The following HTR1F variants were observed in gnomAD, a reference collection of about 807,000 sequenced individuals.
HTR1F encodes 5-hydroxytryptamine (serotonin) receptor 1F, G protein-coupled.
HTR1F carries 17 observed loss-of-function variants against 24.0 expected under a neutral mutation model. The ratio of observed to expected loss-of-function variants is 0.71; its 90% CI spans 0.48 to 1.06. The LOEUF is 1.06. Among genes scored for constraint, HTR1F ranks in the 50% least tolerant of loss-of-function variants. HTR1F has a pLI of 0.00. For synonymous variants in HTR1F, 186 were observed against 156.8 expected (o/e 1.19, Z -1.39); for missense variants, 391 against 427.8 (o/e 0.91, Z 0.76).
At chr3:87,821,541 A>T (rs929058294) in intron 1 of HTR1F, among the ~76,000 whole-genome samples, 66 of 152,264 alleles carry the variant, frequency 4.3e-4, no homozygotes, top group African/African-American at 1.4e-3. Flanking sequence ...ATATATTTCC[A>T]TCATCCCTCA....
rs181807057 is a variant in HTR1F at position 87,924,807 on chromosome 3, G to T, written c.-42-65901G>T. ...TGCTATTTCTAGAATTCTCTCTTTT[G>T]TCTTTTACTTGACAATTTGACTACA... On this transcript the variant is annotated intron_variant, in intron 2 of 2. Coordinates refer to ENST00000319595, the MANE Select transcript of HTR1F (RefSeq NM_001322209.2). Among the ~76,000 whole-genome samples the T allele has an allele frequency of 7.9e-5, 12 of 152,092 alleles. No homozygotes were observed. In the East Asian group the frequency reaches 2.3e-3, roughly 29 times the overall value.
At chr3:87,874,149 A>T (rs925391096) in intron 2 of HTR1F, among the ~76,000 whole-genome samples, 1 of 152,108 alleles carries the variant, frequency 6.6e-6, no homozygotes, top group African/African-American at 2.4e-5. Context: ...AAGAAAAAGA[A>T]AAAAAGGTGA....
chr3:87,805,491 T>A (rs1704059371), intron 1 of HTR1F, among the ~76,000 whole-genome samples: 1 of 152,106 alleles, frequency 6.6e-6, no homozygotes, highest in Non-Finnish European at 1.5e-5. Context: ...CATATCTTTT[T>A]TTTATTTTAA....
chr3:87,942,393 T>C (rs960087833), intron 2 of HTR1F, among the ~76,000 whole-genome samples: 1 of 152,020 alleles, frequency 6.6e-6, no homozygotes, highest in Non-Finnish European at 1.5e-5. Flanking sequence ...AGGAGACAGT[T>C]AACCTCCTGG....
chr3:87,794,899 C>T (rs1703878032), intron 1 of HTR1F, among the ~76,000 whole-genome samples: 1 of 151,168 alleles, frequency 6.6e-6, no homozygotes, highest in South Asian at 2.1e-4. Context: ...TAAAATTATA[C>T]ACATACTTTT....
chr3:87,989,625 CATAAGCCTAATG>C (rs1173160873), intron 2 of HTR1F, among the ~76,000 whole-genome samples: 1 of 152,052 alleles, frequency 6.6e-6, no homozygotes, highest in East Asian at 1.9e-4. Context: ...CTTTAGTCTC[CATAAGCCTAATG>C]ATAATGTTCT....
Position 87,936,503 on chromosome 3 carries a change from T to A in HTR1F, c.-42-54205T>A, listed in dbSNP as rs548615700. Among the ~76,000 whole-genome samples, 80 of 152,298 alleles carry A rather than the reference T, an allele frequency of 5.3e-4. 1 individual carries two copies. Among genetic ancestry groups the A allele is most frequent in the African/African-American group, 1.8e-3 (73 of 41,568 alleles). ...AGAATACAATAAACATTTAATTTTT[T>A]AATAAATGAATAAATAAATTAGAAA... is the stretch of plus-strand genomic sequence containing the variant. On this transcript the variant is annotated intron_variant, in intron 2 of 2. Transcript: ENST00000319595.
chr3:87,982,069 A>C (rs13079714), intron 2 of HTR1F, among the ~76,000 whole-genome samples: 144,292 of 152,058 alleles, frequency 0.95, 68,886 homozygotes, highest in Non-Finnish European at 1. Flanking sequence ...ATTACAGGCA[A>C]CTGCCACCAC....
chr3:87,950,194 C>A lies in HTR1F; in HGVS notation c.-42-40514C>A, dbSNP rs113071290. Reference sequence around the variant, plus strand: ...TGGCACCAAGCAATTTATAAGAGATCTGCCCACATGACCCAAACACATCCC... The same window carrying A: ...TGGCACCAAGCAATTTATAAGAGATATGCCCACATGACCCAAACACATCCC... On this transcript the variant is annotated intron_variant, in intron 2 of 2. Transcript: ENST00000319595. Among the ~76,000 whole-genome samples, 938 of 152,314 alleles carry A rather than the reference C, an allele frequency of 6.2e-3. 12 individuals carry two copies. The highest frequency in any genetic ancestry group is 0.021 in the African/African-American group (885 of 41,572).
intron 2 of HTR1F, among the ~76,000 whole-genome samples, chr3:87,924,576 C>A (rs547181043): frequency 1.6e-4 from 25 of 152,184 alleles, no homozygotes; most frequent in Middle Eastern, 6.8e-3. Flanking sequence ...GTGACAAATT[C>A]CCTGTTTTTT....
intron 2 of HTR1F, among the ~76,000 whole-genome samples, chr3:87,840,371 G>A (rs1370540768): frequency 4.6e-5 from 7 of 152,042 alleles, no homozygotes; most frequent in South Asian, 2.1e-4. Flanking sequence ...TTAAAAATAC[G>A]ATGAGACATC....
chr3:87,964,747 T>C (rs1189952063), intron 2 of HTR1F, among the ~76,000 whole-genome samples: 1 of 152,152 alleles, frequency 6.6e-6, no homozygotes, highest in Non-Finnish European at 1.5e-5. Context: ...CAGTTTCCTT[T>C]CCAGTCCTCT....
At chr3:87,824,748 G>A (rs773262737) in intron 2 of HTR1F, among the ~76,000 whole-genome samples, 71 of 152,172 alleles carry the variant, frequency 4.7e-4, no homozygotes, top group African/African-American at 1.5e-3. Flanking sequence ...ATTTCTTTAC[G>A]AAATACATTC....
At chr3:87,821,849 C>T (rs904794085) in intron 1 of HTR1F, among the ~76,000 whole-genome samples, 159 bp from the exon 2 acceptor site, 2 of 119,996 alleles carry the variant, frequency 1.7e-5, no homozygotes, top group African/African-American at 1.6e-4. Flanking sequence ...CTTTTATTGA[C>T]TTCTAAACCG....
At chr3:87,852,983 T>C (rs1705121007) in intron 2 of HTR1F, among the ~76,000 whole-genome samples, 1 of 149,784 alleles carries the variant, frequency 6.7e-6, no homozygotes, top group Non-Finnish European at 1.5e-5. Context: ...TTTTTTTTGC[T>C]CTAATGTTTT....
Position 87,834,186 on chromosome 3 carries a change from T to A in HTR1F, c.-43+12062T>A, listed in dbSNP as rs1175907161. Among the ~76,000 whole-genome samples the A allele has an allele frequency of 4.6e-5, 7 of 152,332 alleles. No individual in the cohort carries two copies. The South Asian group carries it at 1.0e-3, about 23-fold the overall frequency. On this transcript the variant is annotated intron_variant, in intron 2 of 2. Transcript: ENST00000319595. ...AGTTGGATTCCTCTAATCACTATAC[T>A]ATACATGCAATGTGATTGGATCTCT... is the stretch of plus-strand genomic sequence containing the variant.
chr3:87,964,226 A>G (rs1410211941), intron 2 of HTR1F, among the ~76,000 whole-genome samples: 1 of 152,152 alleles, frequency 6.6e-6, no homozygotes, highest in East Asian at 1.9e-4. Context: ...ATATAAAACT[A>G]TAATATATTC....
chr3:87,982,957 T>C (rs1423065868), intron 2 of HTR1F, among the ~76,000 whole-genome samples: 3 of 103,024 alleles, frequency 2.9e-5, no homozygotes, highest in South Asian at 4.3e-4. Flanking sequence ...CATGAGATCA[T>C]GGACTTCAAA....
chr3:87,903,687 C>G (rs1333929126), intron 2 of HTR1F, among the ~76,000 whole-genome samples: 14 of 151,960 alleles, frequency 9.2e-5, no homozygotes, highest in African/African-American at 2.4e-4. Flanking sequence ...GGACTGTAAA[C>G]TAGTTCAACC....
Sources: gnomAD v4.1 joint callset for allele counts (sites outside exome capture counted in the v4.1 genomes callset) on GRCh38, gnomAD v4.1.1 for gene constraint, MANE v1.5 for transcripts, NCBI Gene and HGNC (gene_info 2026-07-23, HGNC 2026-07-21) for gene names.